The following AGBL3 variants were observed in gnomAD, a reference collection of about 807,000 sequenced individuals.
AGBL3 encodes the protein cytosolic carboxypeptidase 3.
In AGBL3, 68 loss-of-function variants were observed where a neutral mutation model predicts 94.5. The ratio of observed to expected loss-of-function variants is 0.72; its 90% CI spans 0.59 to 0.88. The LOEUF (loss-of-function observed/expected upper bound fraction) is 0.88. AGBL3 is among the 40% of genes least tolerant of loss of function. The probability of loss-of-function intolerance (pLI) is 0.00; values close to 1 mark genes in which losing one functional copy is unlikely to be tolerated. For missense variants in AGBL3, 934 were observed against 1,103.8 expected (o/e 0.85, Z 2.18); for synonymous variants, 354 against 370.7 (o/e 0.95, Z 0.52).
At position 135,034,795 on chromosome 7, in the gene AGBL3, A is replaced by G. The variant is rs374688633; in HGVS notation, c.1204A>G (p.Met402Val). ...RDTFVFKVVP[M>V]LNPDGVIVGN... ...CACTTTTGTCTTCAAGGTGGTACCC[A>G]TGCTCAATCCAGATGGTGTGATTGT... Residue 402 changes from methionine to valine, a missense_variant, in exon 7 of 17, where the codon ATG becomes GTG. This residue lies in a region of AGBL3 where 488 missense variants were observed against 563.6 expected (regional missense o/e 0.87). Coordinates refer to ENST00000436302, the MANE Select transcript of AGBL3 (RefSeq NM_178563.4). 1 of 1,552,408 alleles carries G rather than the reference A, an allele frequency of 6.4e-7. No individual in the cohort carries two copies. Among genetic ancestry groups the G allele is most frequent in the Non-Finnish European group, 8.7e-7 (1 of 1,147,352 alleles).
At chr7:134,999,295 T>C (rs1410421404) in intron 4 of AGBL3, among the ~76,000 whole-genome samples, 1 of 152,224 alleles carries the variant, frequency 6.6e-6, no homozygotes, top group Non-Finnish European at 1.5e-5. Flanking sequence ...GACCCTTTTA[T>C]AGTCTCTGGG....
chr7:135,003,484 C>T lies in AGBL3; in HGVS notation c.310+9806C>T, dbSNP rs149821651. Among the ~76,000 whole-genome samples the T allele has an allele frequency of 2.3e-3, 346 of 152,032 alleles. 1 individual carries two copies. The highest frequency in any genetic ancestry group is 7.6e-3 in the African/African-American group (317 of 41,542). On this transcript the variant is annotated intron_variant, in intron 4 of 16. Coordinates refer to ENST00000436302, the MANE Select transcript of AGBL3 (RefSeq NM_178563.4). ...GTCTCTATATGGAATCTAAAATAAG[C>T]TTTCCTAGTTGTCCTAAAATAAATA...
intron 16 of AGBL3, among the ~76,000 whole-genome samples, chr7:135,123,583 C>G (rs1388713883): frequency 6.6e-6 from 1 of 152,096 alleles, no homozygotes; most frequent in African/African-American, 2.4e-5. Context: ...CCCCAAGACA[C>G]ATAATCTTCA....
At chr7:135,056,188 T>C (rs1013219983) in intron 11 of AGBL3, among the ~76,000 whole-genome samples, 11 of 152,138 alleles carry the variant, frequency 7.2e-5, no homozygotes, top group African/African-American at 1.2e-4. Flanking sequence ...ATCTATTTTA[T>C]TGATCTTTTC....
intron 11 of AGBL3, among the ~76,000 whole-genome samples, chr7:135,050,416 G>T (rs867184333): frequency 6.6e-6 from 1 of 151,820 alleles, no homozygotes; most frequent in Non-Finnish European, 1.5e-5. Flanking sequence ...CTATAATGTT[G>T]TTCAAGCCCT....
At chr7:135,122,982 T>C (rs1272587499) in intron 16 of AGBL3, among the ~76,000 whole-genome samples, 2 of 152,004 alleles carry the variant, frequency 1.3e-5, no homozygotes, top group African/African-American at 4.8e-5. Context: ...CCAGAGTGCC[T>C]CCTCTCCTCC....
At chr7:135,063,628 G>C (rs1345867006) in intron 12 of AGBL3, among the ~76,000 whole-genome samples, 2 of 151,800 alleles carry the variant, frequency 1.3e-5, no homozygotes, top group Admixed American at 6.6e-5. Context: ...TTTCTTTACT[G>C]ACCCATTGGC....
At chr7:135,013,110 A>G (rs540301645) in intron 4 of AGBL3, among the ~76,000 whole-genome samples, 17 of 152,306 alleles carry the variant, frequency 1.1e-4, no homozygotes, top group African/African-American at 4.1e-4. Flanking sequence ...TAAAATGGAC[A>G]AAAGACTCGA....
chr7:135,098,515 G>T (rs1408646049), intron 15 of AGBL3, among the ~76,000 whole-genome samples: 1 of 152,168 alleles, frequency 6.6e-6, no homozygotes, highest in Non-Finnish European at 1.5e-5. Flanking sequence ...CCACGGATGT[G>T]GAGCCCACAC....
intron 15 of AGBL3, among the ~76,000 whole-genome samples, chr7:135,083,510 T>C (rs903561261): frequency 6.6e-6 from 1 of 152,196 alleles, no homozygotes; most frequent in African/African-American, 2.4e-5. Flanking sequence ...CTATCTTTTT[T>C]CCCATTATCC....
chr7:135,075,911 G>T (rs2348059), intron 12 of AGBL3, among the ~76,000 whole-genome samples: 67,192 of 152,040 alleles, frequency 0.44, 15,509 homozygotes, highest in East Asian at 0.78. Context: ...AAGGGGTTGG[G>T]GCGCTCCCAC....
In AGBL3 at chr7:135,134,790, C is replaced by A. The variant is rs144725955; in HGVS notation, c.2343-51C>A. Reference sequence around the variant, plus strand: ...TACTATGACAACATACCTAGGACTACAAAGTAGGTCCATGATGGACAAAAA... The same window carrying A: ...TACTATGACAACATACCTAGGACTAAAAAGTAGGTCCATGATGGACAAAAA... On this transcript the variant is annotated intron_variant, in intron 16 of 16. Transcript: ENST00000436302. 9.5e-5 allele frequency: 140 copies of A among 1,468,452 alleles called. 1 individual carries two copies. In the African/African-American group the frequency reaches 1.8e-3, roughly 19 times the overall value. The allele number at this position is 1,468,452 out of a possible 1,614,324, so 91.0% of individuals were successfully genotyped here.
chr7:135,049,434 C>A (rs1423588119), intron 11 of AGBL3, among the ~76,000 whole-genome samples: 1 of 151,824 alleles, frequency 6.6e-6, no homozygotes. Flanking sequence ...TTAATGTGAG[C>A]GTCCTAAAAT....
intron 5 of AGBL3, among the ~76,000 whole-genome samples, chr7:135,022,953 T>C (rs1814673811): frequency 6.6e-6 from 1 of 152,222 alleles, no homozygotes; most frequent in African/African-American, 2.4e-5. Flanking sequence ...AATTTGACTA[T>C]ATTTTATTAT....
chr7:135,026,232 G>T (rs1445229421), intron 5 of AGBL3, among the ~76,000 whole-genome samples: 1 of 19,106 alleles, frequency 5.2e-5, no homozygotes, highest in Non-Finnish European at 1.7e-4. Flanking sequence ...AATAAAAATA[G>T]AAATGAATAC....
intron 11 of AGBL3, among the ~76,000 whole-genome samples, chr7:135,051,605 T>C (rs1008863996): frequency 3.3e-5 from 5 of 152,086 alleles, no homozygotes; most frequent in African/African-American, 4.8e-5. Context: ...GGTTTTTTTT[T>C]CCAGGGGATT....
At chr7:135,059,996 C>T (rs1340671083) in intron 12 of AGBL3, among the ~76,000 whole-genome samples, 1 of 152,202 alleles carries the variant, frequency 6.6e-6, no homozygotes, top group African/African-American at 2.4e-5. Context: ...ATTCAGGCTA[C>T]AGGTTGAGTT....
rs1453965659 is a variant in AGBL3, at chr7:135,102,971, TA to T, written c.2111-12405del. 3.3e-5 allele frequency among the ~76,000 whole-genome samples: 5 copies of T among 152,150 alleles called. No homozygotes were observed. In the East Asian group the frequency reaches 9.6e-4, roughly 29 times the overall value. ...CTTTAAAAGACACTGTTAAGAAAAT[TA>T]AAATGCATGGGACATATTGGAAAAA... On this transcript the variant is annotated intron_variant, in intron 15 of 16. Coordinates refer to ENST00000436302, the MANE Select transcript of AGBL3 (RefSeq NM_178563.4).
chr7:135,046,175 G>A (rs564798984), intron 11 of AGBL3, among the ~76,000 whole-genome samples: 11 of 152,120 alleles, frequency 7.2e-5, no homozygotes, highest in African/African-American at 2.6e-4. Context: ...TATTGTTTTC[G>A]TTTTTCTCTT....
Sources: allele counts gnomAD v4.1 joint callset (sites outside exome capture counted in the v4.1 genomes callset), GRCh38; gene constraint gnomAD v4.1.1; regional missense constraint gnomAD v4.1.1; transcripts MANE v1.5; gene names NCBI Gene and HGNC (gene_info 2026-07-23, HGNC 2026-07-21).